LZTFL1: variants seen among roughly 807,000 people sequenced by gnomAD.
LZTFL1 encodes the protein leucine zipper transcription factor like 1, also known as leucine zipper transcription factor-like protein 1.
A neutral mutation model predicts 45.9 loss-of-function variants in LZTFL1; 25 were observed. That is an observed-to-expected ratio of 0.54 (90% confidence interval 0.40 to 0.76). The LOEUF is 0.76. Ranked by LOEUF, LZTFL1 falls within the 30% of genes least tolerant of loss-of-function variation. The pLI, the probability that LZTFL1 is intolerant of heterozygous loss-of-function variation, is 0.00. For missense variants in LZTFL1, 277 were observed against 331.1 expected (o/e 0.84, Z 1.27); for synonymous variants, 93 against 117.4 (o/e 0.79, Z 1.35).
intron 2 of LZTFL1, among the ~76,000 whole-genome samples, chr3:45,882,241 G>GA (rs34650310): frequency 6.6e-6 from 1 of 151,986 alleles, no homozygotes; most frequent in Admixed American, 6.5e-5. Flanking sequence ...GATTAGTGGG[G>GA]AAAAAAGGGT....
At chr3:45,857,051 T>C (rs532729237) in intron 3 of LZTFL1, among the ~76,000 whole-genome samples, 1 of 152,306 alleles carries the variant, frequency 6.6e-6, no homozygotes, top group African/African-American at 2.4e-5. Flanking sequence ...AATCATTCTA[T>C]GATAAAGATA....
rs770116381 is a variant in LZTFL1 at position 45,901,857 on chromosome 3, T to C, written c.-215+11263A>G. The C allele has an allele frequency of 2.5e-6, 4 of 1,610,276 alleles. No homozygotes were observed. The highest frequency in any genetic ancestry group is 3.4e-6 in the Non-Finnish European group (4 of 1,176,888). ...GAGAGAGGGAAGCTTGAAGCTGTCG[T>C]CTATGTTGCTGGAGACAACCTCAGG... On this transcript the variant is annotated intron_variant, in intron 2 of 4. Transcript: ENST00000472635. This position sits in a 1 kb window ranked among gnomAD's most constrained non-coding sequence, Gnocchi z 4.3.
intron 3 of LZTFL1, among the ~76,000 whole-genome samples, chr3:45,856,050 T>C (rs1701387974): frequency 6.6e-6 from 1 of 152,140 alleles, no homozygotes; most frequent in African/African-American, 2.4e-5. Flanking sequence ...GAAAAAAAAT[T>C]TTTTAATTCA....
chr3:45,828,504 C>A lies in LZTFL1; in HGVS notation c.712G>T (p.Glu238Ter), dbSNP rs1700726847. The change falls in exon 8 of 10, where the codon GAG (glutamate) becomes TAG (stop). Residue 238 changes from glutamate to a stop codon, truncating the protein, a stop_gained. Transcript: ENST00000296135. LOFTEE classifies it high-confidence loss of function. ...TCGTGCTTGGCTGTCGCCAGATTCT[C>A]CTCCAGTGACTTCTGGTTTTCTGTC... ...DKTENQKSLE[E>*]NLATAKHDLL... The A allele has an allele frequency of 6.2e-7, 1 of 1,614,076 alleles. No homozygotes were observed. The highest frequency in any genetic ancestry group is 1.7e-5 in the Admixed American group (1 of 60,010).
chr3:45,892,778 ATCTCTCAAGTTGGC>A (rs1702227238), intron 2 of LZTFL1, among the ~76,000 whole-genome samples: 1 of 152,080 alleles, frequency 6.6e-6, no homozygotes, highest in African/African-American at 2.4e-5. Context: ...GTCCGTAGTG[ATCTCTCAAGTTGGC>A]TACAACAGCA....
At chr3:45,840,466 T>C (rs893641666) in intron 1 of LZTFL1, among the ~76,000 whole-genome samples, 1 of 152,202 alleles carries the variant, frequency 6.6e-6, no homozygotes, top group Non-Finnish European at 1.5e-5. Context: ...TAACAGTCTG[T>C]TACCAAGTCA....
chr3:45,894,424 C>T (rs1702285389), intron 2 of LZTFL1, among the ~76,000 whole-genome samples: 1 of 152,136 alleles, frequency 6.6e-6, no homozygotes. Context: ...AGTCCAGAGC[C>T]CAGGGCATTC....
intron 7 of LZTFL1, among the ~76,000 whole-genome samples, chr3:45,830,051 G>C (rs1008604550): frequency 6.6e-6 from 1 of 152,130 alleles, no homozygotes; most frequent in Non-Finnish European, 1.5e-5. Context: ...GCCATGCATT[G>C]GTAACTGCTA....
intron 3 of LZTFL1, among the ~76,000 whole-genome samples, chr3:45,858,038 TAAG>T (rs145961199): frequency 7.4e-4 from 113 of 152,376 alleles, no homozygotes; most frequent in Non-Finnish European, 1.1e-3. Context: ...GTGCTTTTCT[TAAG>T]AAATGTATTA....
chr3:45,839,618 T>G (rs1410975768), intron 1 of LZTFL1, among the ~76,000 whole-genome samples: 1 of 152,228 alleles, frequency 6.6e-6, no homozygotes, highest in East Asian at 1.9e-4. Context: ...TTTGAGAATC[T>G]GAATCCTACC....
intron 4 of LZTFL1, among the ~76,000 whole-genome samples, chr3:45,854,001 T>C (rs911917154): frequency 1.3e-5 from 2 of 152,210 alleles, no homozygotes; most frequent in African/African-American, 2.4e-5. Flanking sequence ...AATGAGCTGA[T>C]GGCTGCCAGA....
At chr3:45,846,297 T>C (rs1326051527), upstream of LZTFL1, among the ~76,000 whole-genome samples, 1 of 152,256 alleles carries the variant, frequency 6.6e-6, no homozygotes, top group African/African-American at 2.4e-5. Flanking sequence ...TTAACCCTTA[T>C]GTTTTTATAT....
At chr3:45,832,220 C>CA (rs1478142516) in intron 5 of LZTFL1, among the ~76,000 whole-genome samples, 1 of 151,688 alleles carries the variant, frequency 6.6e-6, no homozygotes. Context: ...GACTCTGTCT[C>CA]AAAAAAACAA....
chr3:45,908,449 C>G (rs1343734778), intron 2 of LZTFL1, among the ~76,000 whole-genome samples: 1 of 152,208 alleles, frequency 6.6e-6, no homozygotes, highest in East Asian at 1.9e-4. Context: ...TCATGAAACT[C>G]ACAATCACAG....
chr3:45,903,133 CA>C (rs1702609848), intron 2 of LZTFL1: 2 of 167,010 alleles, frequency 1.2e-5, no homozygotes, highest in South Asian at 4.1e-4. Flanking sequence ...TACCCTGTCT[CA>C]ATATTTTAAG....
In LZTFL1 at chr3:45,887,071, G is replaced by A. The variant is rs72884909; in HGVS notation, c.-215+26049C>T. Among the ~76,000 whole-genome samples, 1,367 of 152,226 alleles carry A rather than the reference G, an allele frequency of 9.0e-3. 21 individuals carry two copies. The highest frequency in any genetic ancestry group is 0.031 in the African/African-American group (1,294 of 41,526). The stretch of plus-strand genomic sequence containing the variant: ...ACAAGGAAACTATGCATCAGGAGGC[G>A]AATGGTTAAATGAATTGTGATGTAT... On this transcript the variant is annotated intron_variant, in intron 2 of 4. Transcript: ENST00000472635.
At chr3:45,890,845 G>C (rs905560802) in intron 2 of LZTFL1, among the ~76,000 whole-genome samples, 1 of 152,208 alleles carries the variant, frequency 6.6e-6, no homozygotes, top group Non-Finnish European at 1.5e-5. Context: ...AGCCCCTGTC[G>C]GAATGCCAGG....
intron 5 of LZTFL1, among the ~76,000 whole-genome samples, chr3:45,832,006 C>T (rs555470181): frequency 8.5e-5 from 13 of 152,198 alleles, no homozygotes; most frequent in Middle Eastern, 3.4e-3. Context: ...AAGGCCGAGG[C>T]GGGCGTATCA....
At chr3:45,841,362 G>A (rs1211278172) in intron 1 of LZTFL1, among the ~76,000 whole-genome samples, 1 of 152,196 alleles carries the variant, frequency 6.6e-6, no homozygotes, top group African/African-American at 2.4e-5. Flanking sequence ...ATATTCGCTG[G>A]AGGGATTAAT....
Sources: allele counts gnomAD v4.1 joint callset (sites outside exome capture counted in the v4.1 genomes callset), GRCh38; gene constraint gnomAD v4.1.1; non-coding constraint Gnocchi (gnomAD v3.1); transcripts MANE v1.5; gene names NCBI Gene and HGNC (gene_info 2026-07-23, HGNC 2026-07-21).